LRRC37A3: variants seen among roughly 807,000 people sequenced by gnomAD.
LRRC37A3 encodes leucine-rich repeat-containing protein 37A3.
LRRC37A3 carries 25 observed loss-of-function variants against 106.2 expected under a neutral mutation model. The ratio of observed to expected loss-of-function variants is 0.24; its 90% CI spans 0.17 to 0.33. The LOEUF is 0.33. Ranked by LOEUF, LRRC37A3 falls within the 10% of genes least tolerant of loss-of-function variation. The pLI is 1.00. For synonymous variants in LRRC37A3, 305 were observed against 635.8 expected, an observed-to-expected ratio of 0.48 and a Z score of 7.83; for missense variants, 712 against 1,644.9, an observed-to-expected ratio of 0.43 and a Z score of 9.81.
rs765261583 is a variant in LRRC37A3 at position 64,858,865 on chromosome 17, C to T, written c.4723G>A (p.Gly1575Arg). Residue 1575 changes from glycine to arginine, a missense_variant, in exon 13 of 15, where the codon GGA (glycine) becomes AGA (arginine). Transcript: ENST00000584306. ...KSLEFTKELPGYGYTKKLILA... is the reference protein window; with the variant it reads ...KSLEFTKELPRYGYTKKLILA... ...ATGAGTTTTTTGGTATAGCCATATC[C>T]TGGAAGTTCTTTTGTGAACTAAAAA... 3 of 1,607,380 alleles carry T rather than the reference C, an allele frequency of 1.9e-6. No homozygotes were observed. Among genetic ancestry groups the T allele is most frequent in the Admixed American group, 3.4e-5 (2 of 58,908 alleles).
rs1567791584 is a variant in LRRC37A3, at chr17:64,919,441, CT to C, written c.-628del. ...TGGCTGGGGCCTCACTGCGGATCGC[CT>C]TCAGCCGCCATCTTGTTTCTTCCGT... On this transcript the variant is annotated 5_prime_UTR_variant, in exon 1 of 15. The change creates a premature stop within an existing upstream ORF in the 5' untranslated region. Coordinates refer to ENST00000584306, the MANE Select transcript of LRRC37A3 (RefSeq NM_199340.5). The C allele has an allele frequency of 4.2e-6, 2 of 477,902 alleles. No individual in the cohort carries two copies. Among genetic ancestry groups the C allele is most frequent in the Non-Finnish European group, 7.4e-6 (2 of 268,962 alleles). The allele number at this position is 477,902 out of a possible 1,614,324, so 29.6% of individuals were successfully genotyped here. A position where few individuals can be genotyped will look rare whatever the true frequency, so the allele number is the denominator to read the frequency against.
intron 8 of LRRC37A3, among the ~76,000 whole-genome samples, chr17:64,876,268 A>T (rs71377785): frequency 3.3e-5 from 5 of 152,192 alleles, no homozygotes; most frequent in African/African-American, 1.2e-4. Context: ...CTGCAGCCCC[A>T]ATCTCCCGGG....
rs376059373 is a variant in LRRC37A3, at chr17:64,868,445, G to T, written c.3053+17C>A. On this transcript the variant is annotated intron_variant, in intron 10 of 14. Coordinates refer to ENST00000584306, the MANE Select transcript of LRRC37A3 (RefSeq NM_199340.5). ...AAACAACTACGTAAAAATAAATCTC[G>T]GAAAAAAATAACTTACAGTTTTTCC... 1 of 1,609,268 alleles carries T rather than the reference G, an allele frequency of 6.2e-7. No homozygotes were observed. The highest frequency in any genetic ancestry group is 8.5e-7 in the Non-Finnish European group (1 of 1,178,600).
intron 8 of LRRC37A3, among the ~76,000 whole-genome samples, chr17:64,872,188 C>A (rs1445376980): frequency 1.0e-4 from 7 of 68,696 alleles, no homozygotes; most frequent in South Asian, 4.4e-4. Flanking sequence ...TTCATAAAAG[C>A]AACAAATACC....
At chr17:64,878,778 C>T (rs945796934) in intron 8 of LRRC37A3, among the ~76,000 whole-genome samples, 10 of 152,214 alleles carry the variant, frequency 6.6e-5, no homozygotes, top group East Asian at 1.9e-4. Flanking sequence ...GACAGGTCCT[C>T]GAAAAGTTAA....
chr17:64,909,921 T>C (rs578232306), intron 2 of LRRC37A3: 2 of 152,190 alleles, frequency 1.3e-5, no homozygotes, highest in African/African-American at 4.8e-5. Flanking sequence ...TACCACCTGA[T>C]TGGCTGTTAC....
intron 10 of LRRC37A3, among the ~76,000 whole-genome samples, chr17:64,866,610 ATATATATATATATATATATTTTTTTTTT>A (rs1973097486): frequency 9.9e-5 from 2 of 20,208 alleles, no homozygotes; most frequent in African/African-American, 5.9e-4. Context: ...ATATATATAT[ATATATATATATATATATATTTTTTTTTT>A]TTTTTTTTTT....
In LRRC37A3 at chr17:64,860,835, C is replaced by T. The variant is rs763316606; in HGVS notation, c.3311G>A (p.Gly1104Glu). The T allele has an allele frequency of 6.2e-7, 1 of 1,614,182 alleles. No individual in the cohort carries two copies. The highest frequency in any genetic ancestry group is 2.2e-5 in the East Asian group (1 of 44,880). Reference sequence around the variant, plus strand: ...GTCATTGGTGTCTAGCTGCTCACTCCCAAAGCCTGACAAGTTGATGCCACT... The same window carrying T: ...GTCATTGGTGTCTAGCTGCTCACTCTCAAAGCCTGACAAGTTGATGCCACT... ...DSSGINLSGF[G>E]SEQLDTNDES... Residue 1104 changes from glycine to glutamate, a missense_variant, in exon 12 of 15, where the codon GGG becomes GAG. Coordinates refer to ENST00000584306, the MANE Select transcript of LRRC37A3 (RefSeq NM_199340.5).
At chr17:64,862,094 A>G (rs991458590) in intron 11 of LRRC37A3, among the ~76,000 whole-genome samples, 2 of 151,554 alleles carry the variant, frequency 1.3e-5, no homozygotes, top group Non-Finnish European at 2.9e-5. Flanking sequence ...AGAAGGGAAT[A>G]ACATAATTGG....
At chr17:64,909,138 C>T (rs1044922511) in intron 2 of LRRC37A3, among the ~76,000 whole-genome samples, 36 of 152,256 alleles carry the variant, frequency 2.4e-4, no homozygotes, top group Admixed American at 1.4e-3. Context: ...TTGAGAAACA[C>T]TTCCCTATAA....
At chr17:64,869,566 G>A (rs988133276) in intron 8 of LRRC37A3, among the ~76,000 whole-genome samples, 8 of 133,012 alleles carry the variant, frequency 6.0e-5, no homozygotes, top group African/African-American at 2.5e-4. Context: ...ATGGAGTCTC[G>A]CTCTTGTTGC....
Position 64,868,520 on chromosome 17 carries a change from G to A in LRRC37A3, c.2995C>T (p.Leu999=), listed in dbSNP as rs1407447839. The change falls in exon 10 of 15, where the codon CTA becomes TTA. Residue 999 remains leucine, a synonymous_variant. Transcript: ENST00000584306. ...ALKYLDMGTT[L]VPLTTLKNIL... is the part of the protein sequence containing the mutation. ...TTCTTAAGTGTTGTAAGTGGGACTA[G>A]CGTTGTTCCCATGTCTCTGAAGAAG... is the stretch of plus-strand genomic sequence containing the variant. 6.8e-6 allele frequency: 11 copies of A among 1,610,004 alleles called. No homozygotes were observed. The highest frequency in any genetic ancestry group is 2.2e-5 in the South Asian group (2 of 90,060).
intron 1 of LRRC37A3, 90 bp downstream of exon 1, chr17:64,919,341 G>T: frequency 2.5e-6 from 1 of 396,494 alleles, no homozygotes; most frequent in Non-Finnish European, 4.2e-6. Context: ...CCGGGGCCGG[G>T]TGGGGAGGCC....
rs1598386271 is a variant in LRRC37A3, at chr17:64,856,035, T to G, written c.4810-146A>C. On this transcript the variant is annotated intron_variant, in intron 13 of 14. Coordinates refer to ENST00000584306, the MANE Select transcript of LRRC37A3 (RefSeq NM_199340.5). ...ACAGGAATTGCATACTGTGTAACAC[T>G]GCTTTGATTCTTCCATAGTTCAGTC... The G allele has an allele frequency of 8.4e-6, 13 of 1,550,028 alleles. No individual in the cohort carries two copies. The East Asian group carries it at 3.1e-4, about 36-fold the overall frequency.
intron 10 of LRRC37A3, among the ~76,000 whole-genome samples, chr17:64,867,045 CAT>C (rs1238234338): frequency 6.6e-6 from 1 of 151,688 alleles, no homozygotes; most frequent in Non-Finnish European, 1.5e-5. Context: ...TGGGAGAAGA[CAT>C]AGGAGAAAAT....
chr17:64,875,844 C>A (rs1477021717), intron 8 of LRRC37A3, among the ~76,000 whole-genome samples: 5 of 151,536 alleles, frequency 3.3e-5, no homozygotes, highest in African/African-American at 1.2e-4. Flanking sequence ...AATTATAAAT[C>A]TAGTTGATGA....
rs772675883 is a variant in LRRC37A3, at chr17:64,860,092, T to A, written c.4054A>T (p.Asn1352Tyr). The change falls in exon 12 of 15, where the codon AAT becomes TAT. Residue 1352 changes from asparagine (N) to tyrosine (Y), a missense_variant. Coordinates refer to ENST00000584306, the MANE Select transcript of LRRC37A3 (RefSeq NM_199340.5). ...LPFSAAKSLI[N>Y]SPSQGAFSSL... is the part of the protein sequence containing the mutation. ...GAAAAAGCCCCTTGTGAAGGGGAAT[T>A]TATGAGGCTCTTCGCTGCAGAGAAC... is the stretch of plus-strand genomic sequence containing the variant. 72 of 1,613,806 alleles carry A rather than the reference T, an allele frequency of 4.5e-5. 1 individual carries two copies. In the South Asian group the frequency reaches 7.7e-4, roughly 17 times the overall value.
At chr17:64,861,506 T>C (rs1265344823) in intron 11 of LRRC37A3, among the ~76,000 whole-genome samples, 1 of 152,208 alleles carries the variant, frequency 6.6e-6, no homozygotes, top group South Asian at 2.1e-4. Flanking sequence ...CAGATCCTCA[T>C]CTGGCATGCG....
At chr17:64,861,383 C>T (rs1418084130) in intron 11 of LRRC37A3, among the ~76,000 whole-genome samples, 7 of 152,204 alleles carry the variant, frequency 4.6e-5, no homozygotes, top group Non-Finnish European at 1.0e-4. Flanking sequence ...CTGCTCACCT[C>T]GTCCTCGGTG....
Sources: allele counts gnomAD v4.1 joint callset (sites outside exome capture counted in the v4.1 genomes callset), GRCh38; gene constraint gnomAD v4.1.1; transcripts MANE v1.5; gene names NCBI Gene and HGNC (gene_info 2026-07-23, HGNC 2026-07-21).